The following DMXL2 variants were observed in gnomAD, a reference collection of about 807,000 sequenced individuals.
DMXL2 encodes dmX-like protein 2.
In DMXL2, 103 loss-of-function variants were observed where a neutral mutation model predicts 331.1. That is an observed-to-expected ratio of 0.31 (90% CI 0.27 to 0.37). The LOEUF is 0.37. Among genes scored for constraint, DMXL2 ranks in the 10% least tolerant of loss-of-function variants. The probability of loss-of-function intolerance (pLI) is 1.00; values close to 1 mark genes in which losing one functional copy is unlikely to be tolerated. For synonymous variants in DMXL2, 1,281 were observed against 1,252.1 expected, an observed-to-expected ratio of 1.02 and a Z score of -0.49; for missense variants, 3,171 against 3,642.9, an observed-to-expected ratio of 0.87 and a Z score of 3.33.
chr15:51,490,884 CTACT>C (rs1242714451), intron 20 of DMXL2, among the ~76,000 whole-genome samples: 1 of 152,176 alleles, frequency 6.6e-6, no homozygotes. Flanking sequence ...AGAACGTTTG[CTACT>C]TATTCAACTA....
At position 51,498,764 on chromosome 15, in the gene DMXL2, T is replaced by G; in HGVS notation, c.4460A>C (p.Glu1487Ala). Residue 1487 changes from glutamate (E) to alanine (A), a missense_variant, in exon 18 of 44, where the codon GAA becomes GCA. This residue lies in a region of DMXL2 where 1,674 missense variants were observed against 1,780.2 expected (regional missense o/e 0.94). Transcript: ENST00000560891. Reference protein sequence around the residue: ...IPTDDIDLEPEKRENKSKVIN... With the variant: ...IPTDDIDLEPAKRENKSKVIN... ...TACTTTTGATTTGTTTTCTCTCTTT[T>G]CAGGCTCTAAATCAATATCATCCGT... 6.2e-7 allele frequency: 1 copy of G among 1,614,216 alleles called. No individual in the cohort carries two copies. Among genetic ancestry groups the G allele is most frequent in the Non-Finnish European group, 8.5e-7 (1 of 1,180,028 alleles).
At chr15:51,506,742 C>A (rs962132150) in intron 16 of DMXL2, among the ~76,000 whole-genome samples, 1 of 152,084 alleles carries the variant, frequency 6.6e-6, no homozygotes, top group Non-Finnish European at 1.5e-5. Flanking sequence ...CGTGAGCCAC[C>A]GCGCCCAGCC....
intron 39 of DMXL2, 68 bp from the exon 40 acceptor site, chr15:51,455,296 G>T: frequency 7.8e-7 from 1 of 1,289,396 alleles, no homozygotes; most frequent in Non-Finnish European, 1.1e-6. Context: ...AACATGGAAG[G>T]AAGATTCACT....
At chr15:51,547,761 G>T (rs556832661) in intron 6 of DMXL2, among the ~76,000 whole-genome samples, 26 of 152,214 alleles carry the variant, frequency 1.7e-4, no homozygotes, top group African/African-American at 6.3e-4. Context: ...TATCTTTTCA[G>T]TCATTGTTAT....
intron 1 of DMXL2, among the ~76,000 whole-genome samples, chr15:51,579,819 T>C (rs536114872): frequency 6.6e-6 from 1 of 152,254 alleles, no homozygotes; most frequent in East Asian, 1.9e-4. Context: ...TACCAAAGCC[T>C]TCCTTATAAT....
In DMXL2 at chr15:51,593,387, T is replaced by C. The variant is rs567507677; in HGVS notation, c.88-17206A>G. Among the ~76,000 whole-genome samples the C allele has an allele frequency of 1.6e-3, 242 of 152,284 alleles. 1 individual carries two copies. The highest frequency in any genetic ancestry group is 5.7e-3 in the African/African-American group (236 of 41,556). On this transcript the variant is annotated intron_variant, in intron 1 of 43. Transcript: ENST00000560891. Reference sequence around the variant, plus strand: ...TAACTATCCTAAATATATATGCACCTAATACAGGAACACCCAGATTCATAA... The same window carrying C: ...TAACTATCCTAAATATATATGCACCCAATACAGGAACACCCAGATTCATAA...
At position 51,563,455 on chromosome 15, in the gene DMXL2, A is replaced by G; in HGVS notation, c.501-8T>C. On this transcript the variant is annotated splice_region_variant and splice_polypyrimidine_tract_variant and intron_variant, in intron 5 of 43. Transcript: ENST00000560891. ...TGTACAGATACTGAGGTTCTAAAAAAGAGAGAGTTAGGCAATTAGCCCTTT... is the reference window on the plus strand; with the variant it reads ...TGTACAGATACTGAGGTTCTAAAAAGGAGAGAGTTAGGCAATTAGCCCTTT... 1 of 1,597,146 alleles carries G rather than the reference A, an allele frequency of 6.3e-7. No homozygotes were observed. The highest frequency in any genetic ancestry group is 8.5e-7 in the Non-Finnish European group (1 of 1,171,842).
At chr15:51,485,987 G>A (rs954862202) in intron 23 of DMXL2, 86 bp downstream of exon 23, 1 of 1,375,592 alleles carries the variant, frequency 7.3e-7, no homozygotes, top group Non-Finnish European at 9.7e-7. Context: ...ATCTGGTAAT[G>A]ATTTTTCTTA....
In DMXL2 at chr15:51,622,468, G is replaced by A. The variant is rs1170971176; in HGVS notation, c.78C>T (p.Val26=). 4 of 1,564,284 alleles carry A rather than the reference G, an allele frequency of 2.6e-6. No individual in the cohort carries two copies. Among genetic ancestry groups the A allele is most frequent in the African/African-American group, 1.4e-5 (1 of 73,518 alleles). The change falls in exon 1 of 44, where the codon GTC becomes GTT. Residue 26 remains valine, a synonymous_variant. Transcript: ENST00000560891. ...CCCGGCCGCCGCTCACCGTGAAGGG[G>A]ACATCCCCGACGCTGCCCACGGAGT... The part of the protein sequence containing the change: ...NCYSVGSVGD[V]PFTAYGSGCD...
Position 51,481,270 on chromosome 15 carries a change from C to T in DMXL2, c.5836G>A (p.Gly1946Arg), listed in dbSNP as rs770842272. The T allele has an allele frequency of 3.1e-5, 50 of 1,613,462 alleles. No homozygotes were observed. Among genetic ancestry groups the T allele is most frequent in the Middle Eastern group, 3.3e-4 (2 of 6,056 alleles). Reference sequence around the variant, plus strand: ...TTTGACCATTCAATGCCAGAACTTCCATTGCCATCACTCAGAGCTTTTGAA... The same window carrying T: ...TTTGACCATTCAATGCCAGAACTTCTATTGCCATCACTCAGAGCTTTTGAA... ...SHSKALSDGN[G>R]SSGIEWSNVT... Residue 1946 changes from glycine to arginine, a missense_variant, in exon 24 of 44, where the codon GGA (glycine) becomes AGA (arginine). Transcript: ENST00000560891.
At chr15:51,522,817 T>C (rs1436302893) in intron 13 of DMXL2, among the ~76,000 whole-genome samples, 1 of 152,188 alleles carries the variant, frequency 6.6e-6, no homozygotes, top group African/African-American at 2.4e-5. Context: ...TCTGTTTTCA[T>C]ATCCATATTC....
chr15:51,485,365 AC>A (rs1320779276), intron 23 of DMXL2, among the ~76,000 whole-genome samples: 3 of 152,214 alleles, frequency 2.0e-5, no homozygotes, highest in African/African-American at 4.8e-5. Context: ...GTAGCCAGTG[AC>A]CAATGACCAG....
In DMXL2 at chr15:51,547,334, T is replaced by G. The variant is rs768492156; in HGVS notation, c.642A>C (p.Glu214Asp). ...GAGTAGAGGACTGTCTCCTTTTTAC[T>G]TCATGATGATCCTGAGGTATAATTG... ...KSSIIPQDHH[E>D]VKRRQSSTQF... Residue 214 changes from glutamate to aspartate, a missense_variant, in exon 7 of 44, where the codon GAA becomes GAC. Glu to Asp is a conservative substitution (Grantham distance 45). Around this residue, in one of 7 missense-constraint regions of DMXL2, gnomAD observed 1,674 missense variants for 1,780.2 expected, o/e 0.94. Coordinates refer to ENST00000560891, the MANE Select transcript of DMXL2 (RefSeq NM_001378457.1). 1.9e-6 allele frequency: 3 copies of G among 1,612,900 alleles called. No individual in the cohort carries two copies. In the Admixed American group the frequency reaches 5.0e-5, roughly 27 times the overall value.
At chr15:51,464,627 A>C (rs778042356) in intron 32 of DMXL2, 48 bp downstream of exon 32, 1 of 1,545,798 alleles carries the variant, frequency 6.5e-7, no homozygotes, top group Non-Finnish European at 8.9e-7. Context: ...ACTGTCTTCC[A>C]GAAAAGTTAA....
In DMXL2 at chr15:51,622,555, C is replaced by G; in HGVS notation, c.-10G>C. The G allele has an allele frequency of 6.5e-7, 1 of 1,547,318 alleles. No individual in the cohort carries two copies. Among genetic ancestry groups the G allele is most frequent in the Non-Finnish European group, 8.7e-7 (1 of 1,144,672 alleles). Reference sequence around the variant, plus strand: ...CCTGATGCAGATGCATCTCCGGAGCCCGGGCTGGACAGAATGCGCGGGAGG... The same window carrying G: ...CCTGATGCAGATGCATCTCCGGAGCGCGGGCTGGACAGAATGCGCGGGAGG... On this transcript the variant is annotated 5_prime_UTR_variant, in exon 1 of 44. Coordinates refer to ENST00000560891, the MANE Select transcript of DMXL2 (RefSeq NM_001378457.1).
In DMXL2 at chr15:51,479,987, C is replaced by G. The variant is rs1241212644; in HGVS notation, c.6717G>C (p.Gln2239His). The G allele has an allele frequency of 6.5e-7, 1 of 1,530,996 alleles. No individual in the cohort carries two copies. The highest frequency in any genetic ancestry group is 1.8e-5 in the Admixed American group (1 of 55,820). The allele number at this position is 1,530,996 out of a possible 1,614,324, so 94.8% of individuals were successfully genotyped here. ...TACTGGGATGAGGTGGTGTTTTCAT[C>G]TGAACAATAGTATAAAGTATATCAT... ...HIHDILYTIV[Q>H]MKTPPHPSIE... is the part of the protein sequence containing the mutation. The change falls in exon 25 of 44, where the codon CAG becomes CAC. Residue 2239 changes from glutamine to histidine, a missense_variant. Physicochemically the swap from Gln to His is conservative, Grantham distance 24. Transcript: ENST00000560891.
intron 29 of DMXL2, among the ~76,000 whole-genome samples, chr15:51,470,324 A>G (rs2040984220): frequency 6.6e-6 from 1 of 152,050 alleles, no homozygotes; most frequent in Non-Finnish European, 1.5e-5. Flanking sequence ...TGGCAGAGAC[A>G]TGGTCTATGT....
At chr15:51,480,232 G>C in intron 24 of DMXL2, 93 bp from the exon 25 acceptor site, 1 of 1,253,238 alleles carries the variant, frequency 8.0e-7, no homozygotes, top group Non-Finnish European at 1.1e-6. Flanking sequence ...TTGTGTAAAG[G>C]GAATATGTTC....
chr15:51,580,189 TAGAG>T (rs2051312204), intron 1 of DMXL2, among the ~76,000 whole-genome samples: 1 of 152,202 alleles, frequency 6.6e-6, no homozygotes, highest in South Asian at 2.1e-4. Flanking sequence ...CTCTCAATTT[TAGAG>T]AGATCAAAAG....
Sources: gnomAD v4.1 joint callset for allele counts (sites outside exome capture counted in the v4.1 genomes callset) on GRCh38, gnomAD v4.1.1 for gene constraint, gnomAD v4.1.1 regional missense constraint, MANE v1.5 for transcripts, NCBI Gene and HGNC (gene_info 2026-07-23, HGNC 2026-07-21) for gene names.